RASAL2: variants seen among roughly 807,000 people sequenced by gnomAD.
RASAL2 encodes RAS protein activator like 2.
In RASAL2, 58 loss-of-function variants were observed where a neutral mutation model predicts 128.9. The ratio of observed to expected loss-of-function variants is 0.45; its 90% CI spans 0.36 to 0.56. RASAL2 has a LOEUF of 0.56. Ranked by LOEUF, RASAL2 falls within the 20% of genes least tolerant of loss-of-function variation. The pLI, the probability that RASAL2 is intolerant of heterozygous loss-of-function variation, is 0.00. For missense variants in RASAL2, 1,360 were observed against 1,601.6 expected, an observed-to-expected ratio of 0.85 and a Z score of 2.57; for synonymous variants, 561 against 580.8, an observed-to-expected ratio of 0.97 and a Z score of 0.49.
chr1:178,195,925 A>G (rs1662644856), intron 1 of RASAL2, among the ~76,000 whole-genome samples: 1 of 152,150 alleles, frequency 6.6e-6, no homozygotes, highest in African/African-American at 2.4e-5. Context: ...TATATTACCC[A>G]TACTATTCTA....
intron 14 of RASAL2, among the ~76,000 whole-genome samples, chr1:178,462,102 C>A (rs1434322409): frequency 1.3e-5 from 2 of 152,102 alleles, no homozygotes; most frequent in Admixed American, 1.3e-4. Flanking sequence ...TATAAATTCT[C>A]TTTCTAAGGC....
At chr1:178,315,468 T>TA (rs1668465053) in intron 3 of RASAL2, among the ~76,000 whole-genome samples, 1 of 145,324 alleles carries the variant, frequency 6.9e-6, no homozygotes, top group South Asian at 2.2e-4. Flanking sequence ...CCTGACTTTT[T>TA]AATGATTGCC....
intron 9 of RASAL2, among the ~76,000 whole-genome samples, chr1:178,450,250 A>C (rs1677282172): frequency 6.6e-6 from 1 of 152,150 alleles, no homozygotes; most frequent in South Asian, 2.1e-4. Context: ...TTCATGCATT[A>C]TGTCTGTTCC....
Position 178,256,310 on chromosome 1 carries a change from A to C in RASAL2, c.203-27254A>C, listed in dbSNP as rs1665341647. Among the ~76,000 whole-genome samples the C allele has an allele frequency of 1.3e-5, 2 of 152,220 alleles. 1 individual carries two copies. Among genetic ancestry groups the C allele is most frequent in the South Asian group, 4.1e-4 (2 of 4,830 alleles). ...CATTCGATGAGATTCAACACCTTTC[A>C]TGATAAAAAACACTCAACAAGTAAA... On this transcript the variant is annotated intron_variant, in intron 1 of 17. Transcript: ENST00000367649.
chr1:178,248,045 G>C (rs1257732472), intron 1 of RASAL2, among the ~76,000 whole-genome samples: 1 of 152,192 alleles, frequency 6.6e-6, no homozygotes, highest in Admixed American at 6.5e-5. Flanking sequence ...TGTATATTCT[G>C]TTGAGTTGGG....
chr1:178,458,585 C>G (rs1215469654), intron 14 of RASAL2, 41 bp downstream of exon 14: 2 of 1,531,740 alleles, frequency 1.3e-6, no homozygotes, highest in Admixed American at 2.1e-5. Flanking sequence ...CTACTTGGTC[C>G]ATCTGTTTCC....
chr1:178,350,343 C>G (rs1404395794), intron 3 of RASAL2, among the ~76,000 whole-genome samples: 1 of 152,172 alleles, frequency 6.6e-6, no homozygotes, highest in Non-Finnish European at 1.5e-5. Context: ...GCCTCAGCCC[C>G]CCGAGTAGCT....
At chr1:178,343,045 A>G (rs1334726891) in intron 3 of RASAL2, among the ~76,000 whole-genome samples, 1 of 152,220 alleles carries the variant, frequency 6.6e-6, no homozygotes, top group Non-Finnish European at 1.5e-5. Context: ...AGTGAGCTAA[A>G]TAGTAAAGAT....
chr1:178,363,950 G>C (rs1189858860), intron 3 of RASAL2, among the ~76,000 whole-genome samples: 1 of 152,044 alleles, frequency 6.6e-6, no homozygotes, highest in Non-Finnish European at 1.5e-5. Flanking sequence ...CAAAAAATTA[G>C]CGGGGCCAGG....
intron 1 of RASAL2, among the ~76,000 whole-genome samples, chr1:178,187,021 G>T (rs1662327358): frequency 6.6e-6 from 1 of 151,728 alleles, no homozygotes; most frequent in Non-Finnish European, 1.5e-5. Flanking sequence ...TGGAGAGAAG[G>T]GTCTCTGTGT....
chr1:178,211,279 G>C (rs1223395999), intron 1 of RASAL2, among the ~76,000 whole-genome samples: 5 of 152,038 alleles, frequency 3.3e-5, no homozygotes, highest in Non-Finnish European at 4.4e-5. Flanking sequence ...TCCACTCTTA[G>C]TTCAGGTTCT....
chr1:178,472,765 T>A (rs1241086295), intron 17 of RASAL2, among the ~76,000 whole-genome samples: 1 of 152,220 alleles, frequency 6.6e-6, no homozygotes, highest in African/African-American at 2.4e-5. Flanking sequence ...GCTTGATACC[T>A]GTGTTGCATA....
At position 178,387,964 on chromosome 1, in the gene RASAL2, G is replaced by GT. The variant is rs1284186770; in HGVS notation, c.458-2128dup. 7.9e-5 allele frequency among the ~76,000 whole-genome samples: 12 copies of GT among 151,898 alleles called. No homozygotes were observed. In the East Asian group the frequency reaches 1.2e-3, roughly 15 times the overall value. On this transcript the variant is annotated intron_variant, in intron 3 of 17. Transcript: ENST00000367649. ...GAAGAAAGTGAGGAAATTAATTTCAGTTTTTTTTCCTTAGCCAGAACATTG... is the reference window on the plus strand; with the variant it reads ...GAAGAAAGTGAGGAAATTAATTTCAGTTTTTTTTTCCTTAGCCAGAACATTG...
intron 1 of RASAL2, among the ~76,000 whole-genome samples, chr1:178,237,404 A>G (rs959975212): frequency 1.3e-5 from 2 of 152,126 alleles, no homozygotes; most frequent in African/African-American, 4.8e-5. Context: ...TGGACATTGA[A>G]GCCACAGGAG....
At chr1:178,360,319 C>G (rs1208746348) in intron 3 of RASAL2, among the ~76,000 whole-genome samples, 4 of 152,086 alleles carry the variant, frequency 2.6e-5, no homozygotes, top group Non-Finnish European at 5.9e-5. Flanking sequence ...TTTTACTTAG[C>G]CAGACATGAA....
chr1:178,297,476 G>A (rs549407040), intron 2 of RASAL2, among the ~76,000 whole-genome samples: 38 of 151,098 alleles, frequency 2.5e-4, no homozygotes, highest in Non-Finnish European at 4.3e-4. Flanking sequence ...GCGTGGTGGC[G>A]GGCACCTGTA....
chr1:178,453,194 T>G (rs944943170), intron 11 of RASAL2, among the ~76,000 whole-genome samples: 2 of 152,146 alleles, frequency 1.3e-5, no homozygotes, highest in Admixed American at 1.3e-4. Flanking sequence ...GGATCTTAAG[T>G]TGGAAAAATA....
intron 1 of RASAL2, among the ~76,000 whole-genome samples, chr1:178,269,174 A>C (rs1666125058): frequency 6.6e-6 from 1 of 152,204 alleles, no homozygotes; most frequent in Non-Finnish European, 1.5e-5. Flanking sequence ...TCTCTTCCCC[A>C]TGTGAGGACA....
intron 2 of RASAL2, among the ~76,000 whole-genome samples, chr1:178,294,309 C>T (rs963969913): frequency 1.3e-5 from 2 of 152,040 alleles, no homozygotes; most frequent in Non-Finnish European, 2.9e-5. Flanking sequence ...TACTTCCATA[C>T]ACAAACACAC....
Sources: gnomAD v4.1 joint callset for allele counts (sites outside exome capture counted in the v4.1 genomes callset) on GRCh38, gnomAD v4.1.1 for gene constraint, MANE v1.5 for transcripts, NCBI Gene and HGNC (gene_info 2026-07-23, HGNC 2026-07-21) for gene names.